Variants in SLC36A1 observed in about 807,000 individuals in gnomAD.
SLC36A1 encodes proton-coupled amino acid transporter 1.
Under a neutral mutation model 47.5 loss-of-function variants are expected in SLC36A1, and 30 were observed. The observed-to-expected ratio is 0.63, with a 90% CI of 0.47 to 0.86. The LOEUF is 0.86. Ranked by LOEUF, SLC36A1 falls within the 40% of genes least tolerant of loss-of-function variation. The pLI is 0.00. For synonymous variants in SLC36A1, 255 were observed against 249.7 expected, an observed-to-expected ratio of 1.02 and a Z score of -0.20; for missense variants, 517 against 606.0, an observed-to-expected ratio of 0.85 and a Z score of 1.54.
At chr5:151,441,107 C>G (rs530880803) in intron 1 of SLC36A1, among the ~76,000 whole-genome samples, 8 of 152,156 alleles carry the variant, frequency 5.3e-5, no homozygotes, top group Admixed American at 2.6e-4. Flanking sequence ...GTCTAGGGAC[C>G]ACACTTTGAG....
chr5:151,537,628 C>G, the SLC36A1 span, among the ~76,000 whole-genome samples: 2 of 152,322 alleles, frequency 1.3e-5, no homozygotes, highest in Middle Eastern at 6.8e-3. Flanking sequence ...TCTTATCAAT[C>G]TATTTATTAT....
At chr5:151,388,162 A>G in the SLC36A1 span, among the ~76,000 whole-genome samples, 2 of 152,100 alleles carry the variant, frequency 1.3e-5, no homozygotes, top group African/African-American at 4.8e-5. Flanking sequence ...AACATTTACA[A>G]TCTATTCTCT....
chr5:151,527,596 A>C, the SLC36A1 span, among the ~76,000 whole-genome samples: 1 of 152,142 alleles, frequency 6.6e-6, no homozygotes, highest in Non-Finnish European at 1.5e-5. Flanking sequence ...AGACCTTGGG[A>C]AAGTGAATGA....
At chr5:151,545,845 G>C in the SLC36A1 span, 1 of 1,614,176 alleles carries the variant, frequency 6.2e-7, no homozygotes, top group Non-Finnish European at 8.5e-7. Flanking sequence ...CACAAAAGTT[G>C]ACTTTAAGAA....
At chr5:151,548,412 AT>A in the SLC36A1 span, among the ~76,000 whole-genome samples, 1 of 152,186 alleles carries the variant, frequency 6.6e-6, no homozygotes, top group Admixed American at 6.5e-5. Context: ...ATTGCTTATA[AT>A]TAACACTTAT....
At chr5:151,510,268 A>C in the SLC36A1 span, 14 of 1,393,940 alleles carry the variant, frequency 1.0e-5, no homozygotes, top group Non-Finnish European at 1.4e-5. Flanking sequence ...GCAGCCGTTC[A>C]GTTACCATTT....
the SLC36A1 span, among the ~76,000 whole-genome samples, chr5:151,372,090 A>G: frequency 0.29 from 44,722 of 152,162 alleles, 7,930 homozygotes; most frequent in African/African-American, 0.49. Context: ...CAACTCTAAA[A>G]TCTTATGAAA....
chr5:151,378,211 CA>C, the SLC36A1 span: 2 of 239,950 alleles, frequency 8.3e-6, no homozygotes. Flanking sequence ...TGAGACTGTA[CA>C]AACCACTTGC....
chr5:151,362,952 C>G, the SLC36A1 span, among the ~76,000 whole-genome samples: 1 of 152,170 alleles, frequency 6.6e-6, no homozygotes, highest in Admixed American at 6.5e-5. Context: ...CTTGCTTTGT[C>G]TGTTTGGGGA....
chr5:151,406,039 G>A, the SLC36A1 span, among the ~76,000 whole-genome samples: 2 of 152,152 alleles, frequency 1.3e-5, no homozygotes, highest in Non-Finnish European at 2.9e-5. Context: ...TTAGGAAAGC[G>A]GGGGATGAGA....
chr5:151,511,512 T>A, the SLC36A1 span: 1 of 152,410 alleles, frequency 6.6e-6, no homozygotes, highest in Admixed American at 6.5e-5. Context: ...TCACACAGCT[T>A]CACAAGGAGA....
the SLC36A1 span, among the ~76,000 whole-genome samples, chr5:151,415,536 T>G: frequency 7.0e-3 from 1,060 of 152,298 alleles, 18 homozygotes; most frequent in African/African-American, 0.024. Context: ...CTTCACCTCC[T>G]CAGAGAAGTT....
the SLC36A1 span, among the ~76,000 whole-genome samples, chr5:151,356,703 G>A: frequency 6.6e-5 from 10 of 152,290 alleles, no homozygotes; most frequent in African/African-American, 2.2e-4. Flanking sequence ...CCACATTAAA[G>A]TTTACCTCTG....
chr5:151,546,688 G>T, the SLC36A1 span, among the ~76,000 whole-genome samples: 2 of 151,912 alleles, frequency 1.3e-5, no homozygotes, highest in East Asian at 3.9e-4. Flanking sequence ...GCTTCAGTTT[G>T]CATCATACAG....
At chr5:151,516,379 GGTT>G in the SLC36A1 span, among the ~76,000 whole-genome samples, 1 of 152,086 alleles carries the variant, frequency 6.6e-6, no homozygotes. Context: ...TAGTGAGCGT[GGTT>G]GCACACACCT....
the SLC36A1 span, chr5:151,543,883 T>C: frequency 6.2e-7 from 1 of 1,614,218 alleles, no homozygotes; most frequent in Non-Finnish European, 8.5e-7. Flanking sequence ...AATCAGGTAC[T>C]CCAGGCGGGA....
the SLC36A1 span, among the ~76,000 whole-genome samples, chr5:151,346,167 A>G: frequency 3.9e-5 from 6 of 152,348 alleles, 1 homozygote; most frequent in East Asian, 1.2e-3. Flanking sequence ...CACAAGAGAC[A>G]GGTGGTTCCC....
the SLC36A1 span, among the ~76,000 whole-genome samples, chr5:151,515,743 A>G: frequency 6.6e-6 from 1 of 152,122 alleles, no homozygotes; most frequent in Non-Finnish European, 1.5e-5. Flanking sequence ...CTAAACCACC[A>G]TCCTCTCTTA....
chr5:151,488,023 C>A lies in SLC36A1; in HGVS notation c.1200C>A (p.Ile400=), dbSNP rs373317838. The change falls in exon 11 of 11, where the codon ATC becomes ATA. Residue 400 remains isoleucine (I), a synonymous_variant. Transcript: ENST00000243389. ...AILIPRLDLV[I]SLVGSVSSSA... Reference sequence around the variant, plus strand: ...TCATCCCCCGCCTGGACCTGGTCATCTCCCTGGTGGGCTCCGTGAGCAGCA... The same window carrying A: ...TCATCCCCCGCCTGGACCTGGTCATATCCCTGGTGGGCTCCGTGAGCAGCA... 2.5e-6 allele frequency: 4 copies of A among 1,614,060 alleles called. No individual in the cohort carries two copies. In the African/African-American group the frequency reaches 5.3e-5, roughly 22 times the overall value.
Sources: allele counts gnomAD v4.1 joint callset (sites outside exome capture counted in the v4.1 genomes callset), GRCh38; gene constraint gnomAD v4.1.1; transcripts MANE v1.5; gene names NCBI Gene and HGNC (gene_info 2026-07-23, HGNC 2026-07-21).